Variants in DNAH11 observed in about 807,000 individuals in gnomAD.
DNAH11 encodes dynein axonemal heavy chain 11.
A neutral mutation model predicts 526.0 loss-of-function variants in DNAH11; 442 were observed. The ratio of observed to expected loss-of-function variants is 0.84; its 90% confidence interval spans 0.78 to 0.91. The LOEUF (loss-of-function observed/expected upper bound fraction) is 0.91, where lower values mean the gene tolerates loss of function less well. Among genes scored for constraint, DNAH11 ranks in the 40% least tolerant of loss-of-function variants. DNAH11 has a pLI of 0.00. For missense variants in DNAH11, 6,989 were observed against 5,448.7 expected, an observed-to-expected ratio of 1.28 and a Z score of -8.90; for synonymous variants, 2,461 against 1,935.9, an observed-to-expected ratio of 1.27 and a Z score of -7.12.
intron 32 of DNAH11, 22 bp from the exon 33 acceptor site, chr7:21,687,077 T>C: frequency 3.1e-6 from 5 of 1,599,294 alleles, no homozygotes; most frequent in Non-Finnish European, 4.3e-6. Context: ...ACTGTGATGT[T>C]TGTGTTTTCT....
Position 21,900,040 on chromosome 7 carries a change from CTGA to C in DNAH11, c.13226_13228del (p.Asp4409del), listed in dbSNP as rs1784700869. ...CCCCTGGATAAAACGCGCTTGACTG[CTGA>C]TGTTACCAAAAAAACAAAGGAAGAT... On this transcript the variant is annotated inframe_deletion, in exon 81 of 82. Transcript: ENST00000409508. 4 of 1,613,808 alleles carry C rather than the reference CTGA, an allele frequency of 2.5e-6. No homozygotes were observed. The highest frequency in any genetic ancestry group is 1.1e-5 in the South Asian group (1 of 91,082).
chr7:21,785,972 A>G (rs1340624745), intron 58 of DNAH11, among the ~76,000 whole-genome samples: 2 of 152,210 alleles, frequency 1.3e-5, no homozygotes, highest in Non-Finnish European at 2.9e-5. Flanking sequence ...TCATAAGCCT[A>G]CATGAGCTTC....
chr7:21,826,013 A>C (rs1470937601), intron 65 of DNAH11, among the ~76,000 whole-genome samples: 2 of 152,036 alleles, frequency 1.3e-5, no homozygotes, highest in Non-Finnish European at 2.9e-5. Context: ...GAGACTCTGA[A>C]AGGTGGACCG....
intron 25 of DNAH11, among the ~76,000 whole-genome samples, chr7:21,626,415 A>G (rs950870201): frequency 6.6e-6 from 1 of 152,188 alleles, no homozygotes. Context: ...TACTGCAAAA[A>G]ACATGGAAGT....
chr7:21,655,876 G>A lies in DNAH11; in HGVS notation c.4989G>A (p.Leu1663=). The A allele has an allele frequency of 6.2e-7, 1 of 1,613,328 alleles. No homozygotes were observed. The highest frequency in any genetic ancestry group is 8.5e-7 in the Non-Finnish European group (1 of 1,179,564). ...LAKLFDSIAD[L]QFEDNQDVSA... ...AACTTTTCGACAGCATTGCAGATCT[G>A]CAGTTTGAAGACAATCAGGATGTTT... is the stretch of plus-strand genomic sequence containing the variant. Residue 1663 remains leucine (L), a synonymous_variant, in exon 29 of 82, where the codon CTG becomes CTA. Coordinates refer to ENST00000409508, the MANE Select transcript of DNAH11 (RefSeq NM_001277115.2).
intron 8 of DNAH11, among the ~76,000 whole-genome samples, chr7:21,572,974 A>G (rs1783951492): frequency 6.6e-6 from 1 of 152,206 alleles, no homozygotes. Flanking sequence ...GGGATTCTTA[A>G]GAGAGCCTCT....
chr7:21,850,016 G>C (rs1782563188), intron 66 of DNAH11, among the ~76,000 whole-genome samples: 1 of 147,420 alleles, frequency 6.8e-6, no homozygotes, highest in South Asian at 2.1e-4. Flanking sequence ...ATATGTCTAA[G>C]CATACTGATT....
In DNAH11 at chr7:21,601,315, A is replaced by T. The variant is rs539715425; in HGVS notation, c.3426-81A>T. On this transcript the variant is annotated intron_variant, in intron 17 of 81. Transcript: ENST00000409508. ...TTTAATCAGGTACATAATGAAAATA[A>T]GATTCAATCAGAAGTCTTATACTGC... 4.1e-6 allele frequency: 6 copies of T among 1,459,900 alleles called. No individual in the cohort carries two copies. In the South Asian group the frequency reaches 8.1e-5, roughly 20 times the overall value. 90.4% of individuals were successfully genotyped at this position (1,459,900 alleles called of 1,614,324 possible).
chr7:21,662,279 ATGC>A (rs1339435310), intron 30 of DNAH11, among the ~76,000 whole-genome samples: 1 of 152,166 alleles, frequency 6.6e-6, no homozygotes, highest in African/African-American at 2.4e-5. Flanking sequence ...ATTTTCTAAC[ATGC>A]AGAAAAGCTG....
In DNAH11 at chr7:21,681,633, G is replaced by A. The variant is rs768955174; in HGVS notation, c.5416G>A (p.Asp1806Asn). 4 of 1,613,890 alleles carry A rather than the reference G, an allele frequency of 2.5e-6. No individual in the cohort carries two copies. Among genetic ancestry groups the A allele is most frequent in the Admixed American group, 1.7e-5 (1 of 60,020 alleles). Residue 1806 changes from aspartate (D) to asparagine (N), a missense_variant, in exon 31 of 82, where the codon GAT becomes AAT. Asp to Asn is a conservative substitution (Grantham distance 23, BLOSUM62 1). Transcript: ENST00000409508. ...RQKIMTICTI[D>N]VHARDVVAKL... The stretch of plus-strand genomic sequence containing the variant: ...GAAGATCATGACAATTTGTACCATA[G>A]ATGTCCATGCCAGAGACGTGGTGGC...
At chr7:21,726,031 C>T in intron 45 of DNAH11, 47 bp downstream of exon 45, 1 of 1,453,272 alleles carries the variant, frequency 6.9e-7, no homozygotes, top group Non-Finnish European at 9.1e-7. Flanking sequence ...TTTCATATTG[C>T]TATAAAAAAT....
At chr7:21,795,438 C>G (rs959908107) in intron 61 of DNAH11, among the ~76,000 whole-genome samples, 10 of 152,170 alleles carry the variant, frequency 6.6e-5, no homozygotes, top group African/African-American at 2.4e-4. Context: ...TCCACACACC[C>G]TACACATCAG....
intron 71 of DNAH11, among the ~76,000 whole-genome samples, chr7:21,867,399 T>G (rs539974450): frequency 1.3e-5 from 2 of 152,274 alleles, no homozygotes; most frequent in African/African-American, 4.8e-5. Context: ...TACTTTCTGC[T>G]AAATCTGATG....
intron 24 of DNAH11, 75 bp from the exon 25 acceptor site, chr7:21,619,881 T>A: frequency 2.1e-6 from 3 of 1,425,112 alleles, no homozygotes; most frequent in Non-Finnish European, 2.9e-6. Context: ...TTGAAAAAAA[T>A]TAATTCCAGA....
chr7:21,629,696 A>G (rs372118226), intron 25 of DNAH11, among the ~76,000 whole-genome samples: 14 of 152,068 alleles, frequency 9.2e-5, no homozygotes, highest in East Asian at 1.9e-4. Flanking sequence ...CTCTTTTTAC[A>G]GTCTTGATTG....
chr7:21,642,316 A>C (rs1787166546), intron 28 of DNAH11, among the ~76,000 whole-genome samples: 1 of 152,146 alleles, frequency 6.6e-6, no homozygotes, highest in Middle Eastern at 3.2e-3. Context: ...ACTTGTTGAG[A>C]AGGAGCTAGG....
rs537657362 is a variant in DNAH11 at position 21,687,635 on chromosome 7, A to T, written c.5924+108A>T. The T allele has an allele frequency of 5.3e-6, 7 of 1,323,288 alleles. No homozygotes were observed. In the Admixed American group the frequency reaches 1.3e-4, roughly 25 times the overall value. 82.0% of individuals were successfully genotyped at this position (1,323,288 alleles called of 1,614,324 possible). A position where few individuals can be genotyped will look rare whatever the true frequency, so the allele number is the denominator to read the frequency against. Reference sequence around the variant, plus strand: ...TACCTCTCCCTGTCTCATGAAATAGATAAAGGAAGATTCTGGTCGATTTGG... The same window carrying T: ...TACCTCTCCCTGTCTCATGAAATAGTTAAAGGAAGATTCTGGTCGATTTGG... On this transcript the variant is annotated intron_variant, in intron 34 of 81. Transcript: ENST00000409508.
chr7:21,801,138 A>G lies in DNAH11; in HGVS notation c.10028A>G (p.Asp3343Gly). The change falls in exon 62 of 82, where the codon GAT (aspartate) becomes GGT (glycine). Residue 3343 changes from aspartate to glycine, a missense_variant and splice_region_variant. Physicochemically the swap from Asp to Gly is moderately conservative, Grantham distance 94. Transcript: ENST00000409508. ...KLEAIRKKLV[D>G]LDRNLSRLTA... is the part of the protein sequence containing the mutation. Reference sequence around the variant, plus strand: ...AAAGTTAATTCAACTCTGATTCAGGATCTGGATCGAAATCTGAGCAGACTC... The same window carrying G: ...AAAGTTAATTCAACTCTGATTCAGGGTCTGGATCGAAATCTGAGCAGACTC... 6.2e-7 allele frequency: 1 copy of G among 1,605,908 alleles called. No individual in the cohort carries two copies. The highest frequency in any genetic ancestry group is 8.5e-7 in the Non-Finnish European group (1 of 1,175,610).
chr7:21,813,313 A>T (rs1429111105), intron 63 of DNAH11, among the ~76,000 whole-genome samples: 1 of 152,192 alleles, frequency 6.6e-6, no homozygotes, highest in Admixed American at 6.5e-5. Flanking sequence ...ATTAGTGCCA[A>T]TAATTAGTTA....
Sources: allele counts gnomAD v4.1 joint callset (sites outside exome capture counted in the v4.1 genomes callset), GRCh38; gene constraint gnomAD v4.1.1; transcripts MANE v1.5; gene names NCBI Gene and HGNC (gene_info 2026-07-23, HGNC 2026-07-21).